The following ZBTB8OS variants were observed in gnomAD, a reference collection of about 807,000 sequenced individuals.
ZBTB8OS encodes the protein tRNA splicing ligase complex subunit 1.
ZBTB8OS carries 16 observed loss-of-function variants against 29.3 expected under a neutral mutation model. That is an observed-to-expected ratio of 0.55 (90% CI 0.37 to 0.83). The LOEUF (loss-of-function observed/expected upper bound fraction) is 0.83, where lower values mean the gene tolerates loss of function less well. Among genes scored for constraint, ZBTB8OS ranks in the 40% least tolerant of loss-of-function variants. ZBTB8OS has a pLI of 0.00. For synonymous variants in ZBTB8OS, 70 were observed against 64.6 expected (o/e 1.08, Z -0.40); for missense variants, 160 against 196.9 (o/e 0.81, Z 1.12).
intron 1 of ZBTB8OS, among the ~76,000 whole-genome samples, chr1:32,640,761 G>T (rs1646330707): frequency 6.6e-6 from 1 of 151,944 alleles, no homozygotes; most frequent in Non-Finnish European, 1.5e-5. Flanking sequence ...TGTCCCCCTT[G>T]GCCTCCCAAA....
chr1:32,639,311 A>T (rs1030532792), intron 1 of ZBTB8OS, among the ~76,000 whole-genome samples: 40 of 148,450 alleles, frequency 2.7e-4, no homozygotes, highest in South Asian at 4.3e-4. Flanking sequence ...AAAAAAAATA[A>T]AAAAAAAAAA....
chr1:32,631,021 AAAT>A (rs1645511814), intron 5 of ZBTB8OS, among the ~76,000 whole-genome samples: 1 of 151,842 alleles, frequency 6.6e-6, no homozygotes, highest in Non-Finnish European at 1.5e-5. Context: ...ATAAATAAAT[AAAT>A]AATAAATGAA....
Position 32,639,428 on chromosome 1 carries a change from C to T in ZBTB8OS, c.98-4636G>A, listed in dbSNP as rs921564212. On this transcript the variant is annotated intron_variant, in intron 1 of 6. Coordinates refer to ENST00000468695, the MANE Select transcript of ZBTB8OS (RefSeq NM_178547.5). ...CCTGGGCTCAAGTGCTTACCACCATCCTGGCCTTGCATATTTTTATGAAAA... is the reference window on the plus strand; with the variant it reads ...CCTGGGCTCAAGTGCTTACCACCATTCTGGCCTTGCATATTTTTATGAAAA... Among the ~76,000 whole-genome samples the T allele has an allele frequency of 3.9e-5, 6 of 152,200 alleles. No individual in the cohort carries two copies. The South Asian group carries it at 1.2e-3, about 32-fold the overall frequency.
rs756436902 is a variant in ZBTB8OS, at chr1:32,627,563, A to T, written c.381-19T>A. 2 of 1,610,588 alleles carry T rather than the reference A, an allele frequency of 1.2e-6. No individual in the cohort carries two copies. Among genetic ancestry groups the T allele is most frequent in the South Asian group, 2.2e-5 (2 of 90,904 alleles). ...TCCCCACCTTGAGAATACAAATTAA[A>T]ACATGATTAAGATTTGTTCTCTCTT... On this transcript the variant is annotated intron_variant, in intron 5 of 6. Transcript: ENST00000468695.
chr1:32,650,789 A>G, upstream of ZBTB8OS: 1 of 573,684 alleles, frequency 1.7e-6, no homozygotes, highest in Non-Finnish European at 3.0e-6. Flanking sequence ...GGGCACCTTG[A>G]ATGAAACCCG....
intron 2 of ZBTB8OS, chr1:32,634,425 C>T (rs1645801614): frequency 2.9e-6 from 1 of 342,394 alleles, no homozygotes; most frequent in African/African-American, 2.1e-5. Context: ...CGGGGTTTTA[C>T]CATGTTGGTC....
At position 32,634,787 on chromosome 1, in the gene ZBTB8OS, C is replaced by A; in HGVS notation, c.103G>T (p.Asp35Tyr). 6.2e-7 allele frequency: 1 copy of A among 1,612,692 alleles called. No individual in the cohort carries two copies. Among genetic ancestry groups the A allele is most frequent in the Non-Finnish European group, 8.5e-7 (1 of 1,178,776 alleles). ...ACTCACTGGACATCTGCTGTATGAT[C>A]CAAATCTGAGGGACAGAGGGAAAAA... The part of the protein sequence containing the change: ...PPVNRKYEYL[D>Y]HTADVQLHAW... The change falls in exon 2 of 7, where the codon GAT (aspartate) becomes TAT (tyrosine). Residue 35 changes from aspartate (D) to tyrosine (Y), a missense_variant. By Grantham distance (160) the Asp-to-Tyr change is radical. Transcript: ENST00000468695.
chr1:32,636,711 G>T (rs866103745), intron 1 of ZBTB8OS, among the ~76,000 whole-genome samples: 67 of 151,112 alleles, frequency 4.4e-4, no homozygotes, highest in African/African-American at 8.8e-4. Flanking sequence ...AAAAAAAGGT[G>T]GGGGGGAAGA....
intron 6 of ZBTB8OS, among the ~76,000 whole-genome samples, chr1:32,625,231 AG>A (rs764346266): frequency 6.8e-6 from 1 of 146,004 alleles, no homozygotes. Flanking sequence ...AAAAAAAAAA[AG>A]AAAGAATAAT....
chr1:32,626,158 C>G (rs1645118055), intron 6 of ZBTB8OS, among the ~76,000 whole-genome samples: 1 of 152,148 alleles, frequency 6.6e-6, no homozygotes, highest in African/African-American at 2.4e-5. Context: ...CAGGCGTGAA[C>G]CACCACGCCG....
chr1:32,643,273 ATGTT>A (rs1475792958), intron 1 of ZBTB8OS, among the ~76,000 whole-genome samples: 6 of 151,334 alleles, frequency 4.0e-5, no homozygotes, highest in African/African-American at 1.5e-4. Context: ...GGGTTTCTCC[ATGTT>A]TGTCAGGCTG....
intron 1 of ZBTB8OS, among the ~76,000 whole-genome samples, chr1:32,647,962 G>C (rs1646983132): frequency 6.6e-6 from 1 of 152,062 alleles, no homozygotes; most frequent in African/African-American, 2.4e-5. Flanking sequence ...TGCCAAAAAG[G>C]TTGGGGACCG....
At chr1:32,637,534 C>T (rs979590012) in intron 1 of ZBTB8OS, among the ~76,000 whole-genome samples, 2 of 150,666 alleles carry the variant, frequency 1.3e-5, no homozygotes, top group Admixed American at 1.3e-4. Context: ...CACCACCGCA[C>T]TCCAGTGTGG....
rs1253733830 is a variant in ZBTB8OS, at chr1:32,621,300, G to A, written c.*562C>T. ...TATAGTCCCAGCTACTCGGGAGGCT[G>A]AGGTAGGAGAATGGCGTGAACCCGG... On this transcript the variant is annotated 3_prime_UTR_variant, in exon 7 of 7. Transcript: ENST00000468695. The A allele has an allele frequency of 6.6e-6, 1 of 152,156 alleles. No individual in the cohort carries two copies. The highest frequency in any genetic ancestry group is 1.5e-5 in the Non-Finnish European group (1 of 68,340). 9.4% of individuals were successfully genotyped at this position (152,156 alleles called of 1,614,324 possible). A position where few individuals can be genotyped will look rare whatever the true frequency, so the allele number is the denominator to read the frequency against.
chr1:32,641,294 GAC>G (rs1225765565), intron 1 of ZBTB8OS, among the ~76,000 whole-genome samples: 1 of 92,928 alleles, frequency 1.1e-5, no homozygotes. Flanking sequence ...TTTTTTTTGA[GAC>G]AGATTTTGCT....
At chr1:32,649,633 A>C (rs1748049) in intron 1 of ZBTB8OS, among the ~76,000 whole-genome samples, 13,870 of 53,388 alleles carry the variant, frequency 0.26, 797 homozygotes, top group South Asian at 0.35. Context: ...CATCTCTAAA[A>C]ACACACACAC....
intron 5 of ZBTB8OS, among the ~76,000 whole-genome samples, chr1:32,630,959 G>T (rs1270563477): frequency 1.3e-5 from 2 of 151,964 alleles, no homozygotes; most frequent in Admixed American, 1.3e-4. Context: ...GTTGCAGTGA[G>T]CTGAGATCAC....
chr1:32,645,446 G>A (rs1646761140), intron 1 of ZBTB8OS, among the ~76,000 whole-genome samples: 2 of 152,184 alleles, frequency 1.3e-5, no homozygotes, highest in Admixed American at 6.5e-5. Flanking sequence ...AGCTTGCAGT[G>A]AGCCATGACA....
At chr1:32,647,041 CA>C (rs71006347) in intron 1 of ZBTB8OS, among the ~76,000 whole-genome samples, 110 of 39,360 alleles carry the variant, frequency 2.8e-3, no homozygotes, top group Non-Finnish European at 3.5e-3. Flanking sequence ...GATACTGTCT[CA>C]AAAAAAAAAA....
Sources: gnomAD v4.1 joint callset for allele counts (sites outside exome capture counted in the v4.1 genomes callset) on GRCh38, gnomAD v4.1.1 for gene constraint, MANE v1.5 for transcripts, NCBI Gene and HGNC (gene_info 2026-07-23, HGNC 2026-07-21) for gene names.